Variants in COLGALT2 observed in about 807,000 individuals in gnomAD.
COLGALT2 encodes the protein collagen beta(1-O)galactosyltransferase 2.
In COLGALT2, 49 loss-of-function variants were observed where a neutral mutation model predicts 73.4. The observed-to-expected ratio is 0.67, with a 90% CI of 0.53 to 0.85. The LOEUF (loss-of-function observed/expected upper bound fraction) is 0.85. COLGALT2 is among the 40% of genes least tolerant of loss of function. COLGALT2 has a pLI of 0.00. For synonymous variants in COLGALT2, 295 were observed against 307.6 expected (o/e 0.96, Z 0.43); for missense variants, 722 against 790.2 (o/e 0.91, Z 1.03).
rs866754853 is a variant in COLGALT2 at position 183,978,515 on chromosome 1, G to C, written c.269C>G (p.Ala90Gly). The C allele has an allele frequency of 6.3e-7, 1 of 1,592,046 alleles. No homozygotes were observed. Among genetic ancestry groups the C allele is most frequent in the African/African-American group, 1.3e-5 (1 of 74,498 alleles). ...YPKSRMAIWA[A>G]TDHNVDNTTE... ...TGTATTATCCACATTGTGATCAGTGGCTGCCCTGCATGAGAGAAAGCACAA... is the reference window on the plus strand; with the variant it reads ...TGTATTATCCACATTGTGATCAGTGCCTGCCCTGCATGAGAGAAAGCACAA... The change falls in exon 2 of 12, where the codon GCC (alanine) becomes GGC (glycine). Residue 90 changes from alanine to glycine, a missense_variant. Coordinates refer to ENST00000361927, the MANE Select transcript of COLGALT2 (RefSeq NM_015101.4).
chr1:184,022,676 T>C (rs948897594), intron 1 of COLGALT2, among the ~76,000 whole-genome samples: 16 of 152,292 alleles, frequency 1.1e-4, no homozygotes, highest in Admixed American at 3.9e-4. Context: ...ACAACTGATA[T>C]ATAGCTTAGG....
chr1:183,943,206 C>A (rs1670160661), intron 10 of COLGALT2, among the ~76,000 whole-genome samples: 1 of 152,198 alleles, frequency 6.6e-6, no homozygotes, highest in South Asian at 2.1e-4. Flanking sequence ...TTCTTCTGAG[C>A]TCAGAGTGGC....
intron 1 of COLGALT2, among the ~76,000 whole-genome samples, chr1:184,018,265 G>A (rs1649069111): frequency 1.2e-5 from 1 of 81,884 alleles, no homozygotes; most frequent in Non-Finnish European, 2.1e-5. Context: ...GTGAGGCCCT[G>A]TTTCAAAAAG....
chr1:183,939,327 C>A (rs1415859365), intron 11 of COLGALT2, among the ~76,000 whole-genome samples: 2 of 152,182 alleles, frequency 1.3e-5, no homozygotes, highest in Non-Finnish European at 2.9e-5. Flanking sequence ...CCTGTTAGAC[C>A]ATAATGATAA....
intron 1 of COLGALT2, among the ~76,000 whole-genome samples, chr1:183,998,616 T>A (rs1671832091): frequency 6.6e-6 from 1 of 152,164 alleles, no homozygotes; most frequent in South Asian, 2.1e-4. Flanking sequence ...GCATGAACAA[T>A]CCTCTTGGGA....
At chr1:184,021,688 G>C (rs1572682898) in intron 1 of COLGALT2, among the ~76,000 whole-genome samples, 1 of 152,150 alleles carries the variant, frequency 6.6e-6, no homozygotes, top group Non-Finnish European at 1.5e-5. Flanking sequence ...CTAAGACAGT[G>C]ACAGAATAAA....
At chr1:183,973,817 A>G in intron 3 of COLGALT2, 67 bp from the exon 4 acceptor site, 3 of 1,469,658 alleles carry the variant, frequency 2.0e-6, no homozygotes, top group Non-Finnish European at 2.8e-6. Context: ...AGAATAACCC[A>G]GCCCTTCTGA....
At chr1:184,001,929 A>C (rs1671937804) in intron 1 of COLGALT2, among the ~76,000 whole-genome samples, 1 of 152,258 alleles carries the variant, frequency 6.6e-6, no homozygotes, top group African/African-American at 2.4e-5. Flanking sequence ...TCTGGGCCTA[A>C]TGCTTCTCTG....
chr1:184,018,858 A>G (rs189075575), intron 1 of COLGALT2, among the ~76,000 whole-genome samples: 12 of 152,316 alleles, frequency 7.9e-5, no homozygotes, highest in Admixed American at 4.6e-4. Flanking sequence ...GCCAGTAGCA[A>G]GCAGTAAAAA....
downstream of COLGALT2, chr1:183,935,791 T>TG (rs1286997252): frequency 1.1e-6 from 1 of 921,424 alleles, no homozygotes; most frequent in Non-Finnish European, 1.3e-6. Flanking sequence ...TCTGCAGCGT[T>TG]GGCCATTGAT....
intron 1 of COLGALT2, among the ~76,000 whole-genome samples, chr1:184,021,432 G>A (rs1411215325): frequency 6.6e-6 from 1 of 152,114 alleles, no homozygotes; most frequent in Non-Finnish European, 1.5e-5. Context: ...GACTACTATT[G>A]TTATTGAATG....
intron 6 of COLGALT2, among the ~76,000 whole-genome samples, chr1:183,955,801 T>C (rs1670537963): frequency 6.6e-6 from 1 of 152,238 alleles, no homozygotes; most frequent in South Asian, 2.1e-4. Context: ...TTGAAAGAAC[T>C]ATGGGTAATG....
intron 5 of COLGALT2, among the ~76,000 whole-genome samples, chr1:183,965,624 A>T (rs1002496581): frequency 6.6e-6 from 1 of 152,246 alleles, no homozygotes; most frequent in African/African-American, 2.4e-5. Flanking sequence ...ATTAGAATAT[A>T]TTAGAAAGCT....
intron 4 of COLGALT2, 89 bp from the exon 5 acceptor site, chr1:183,969,562 A>G: frequency 8.5e-7 from 1 of 1,179,752 alleles, no homozygotes. Flanking sequence ...CTTTCAAGTC[A>G]TTACCAGCTA....
intron 1 of COLGALT2, among the ~76,000 whole-genome samples, chr1:183,979,679 G>C (rs1671296904): frequency 6.6e-6 from 1 of 152,030 alleles, no homozygotes; most frequent in Non-Finnish European, 1.5e-5. Flanking sequence ...ATAATTTGCT[G>C]ACCCCTAATA....
At chr1:184,006,306 C>T (rs1043383097) in intron 1 of COLGALT2, among the ~76,000 whole-genome samples, 1 of 152,060 alleles carries the variant, frequency 6.6e-6, no homozygotes, top group Non-Finnish European at 1.5e-5. Context: ...GAGTATGGGC[C>T]GGGCACGGTG....
At chr1:184,015,211 TAAA>T (rs1267382237) in intron 1 of COLGALT2, among the ~76,000 whole-genome samples, 1 of 152,168 alleles carries the variant, frequency 6.6e-6, no homozygotes, top group Non-Finnish European at 1.5e-5. Flanking sequence ...AAGAGGGTCT[TAAA>T]GAAGATCAGA....
Position 184,037,196 on chromosome 1 carries a change from C to T in COLGALT2, c.162G>A (p.Thr54=), listed in dbSNP as rs1381392076. 7 of 1,605,014 alleles carry T rather than the reference C, an allele frequency of 4.4e-6. No individual in the cohort carries two copies. The highest frequency in any genetic ancestry group is 5.9e-6 in the Non-Finnish European group (7 of 1,177,286). Residue 54 remains threonine, a synonymous_variant, in exon 1 of 12, where the codon ACG becomes ACA. Transcript: ENST00000361927. ...VFPESPLQSP[T]VLVAVLARNA... is the part of the protein sequence containing the mutation. ...TGCGGGCGAGGACCGCCACGAGCAC[C>T]GTGGGGCTCTGCAGGGGCGACTCCG...
chr1:184,027,662 C>T (rs1471714459), intron 1 of COLGALT2, among the ~76,000 whole-genome samples: 1 of 152,126 alleles, frequency 6.6e-6, no homozygotes, highest in Admixed American at 6.5e-5. Context: ...TGGATTTATC[C>T]ACATAGACAA....
Sources: allele counts gnomAD v4.1 joint callset (sites outside exome capture counted in the v4.1 genomes callset), GRCh38; gene constraint gnomAD v4.1.1; transcripts MANE v1.5; gene names NCBI Gene and HGNC (gene_info 2026-07-23, HGNC 2026-07-21).